The following ZNF160 variants were observed in gnomAD, a reference collection of about 807,000 sequenced individuals.
The protein encoded by ZNF160 is KRAB zinc finger protein KR18.
ZNF160 carries 9 observed loss-of-function variants against 13.1 expected under a neutral mutation model. The observed-to-expected ratio is 0.69, with a 90% CI of 0.41 to 1.20. The LOEUF (loss-of-function observed/expected upper bound fraction) is 1.20, where lower values mean the gene tolerates loss of function less well. Among genes scored for constraint, ZNF160 ranks in the 50% most tolerant of loss-of-function variants. The pLI is 0.01. For missense variants in ZNF160, 838 were observed against 988.0 expected (o/e 0.85, Z 2.04); for synonymous variants, 293 against 333.2 (o/e 0.88, Z 1.31).
Position 53,069,935 on chromosome 19 carries a change from T to A in ZNF160, c.599A>T (p.Lys200Ile). 1 of 1,614,174 alleles carries A rather than the reference T, an allele frequency of 6.2e-7. No homozygotes were observed. Among genetic ancestry groups the A allele is most frequent in the Non-Finnish European group, 8.5e-7 (1 of 1,180,026 alleles). Residue 200 changes from lysine to isoleucine, a missense_variant, in exon 6 of 6, where the codon AAA becomes ATA. Transcript: ENST00000683776. This position sits in a 1 kb window ranked among gnomAD's most constrained non-coding sequence, Gnocchi z 4.4. ...PELQLFQGEG[K>I]MYECNQVEKS... Reference sequence around the variant, plus strand: ...CTCAACTTGATTACATTCATACATTTTCCCCTCACCTTGAAATAGCTGCAG... The same window carrying A: ...CTCAACTTGATTACATTCATACATTATCCCCTCACCTTGAAATAGCTGCAG...
intron 1 of ZNF160, among the ~76,000 whole-genome samples, chr19:53,095,139 C>T (rs1378135638): frequency 7.3e-6 from 1 of 137,614 alleles, no homozygotes; most frequent in African/African-American, 2.8e-5. Context: ...GACCGCACCC[C>T]AGGGCGACTT....
intron 3 of ZNF160, among the ~76,000 whole-genome samples, chr19:53,079,961 A>C (rs2084562668): frequency 6.6e-6 from 1 of 152,096 alleles, no homozygotes; most frequent in African/African-American, 2.4e-5. Flanking sequence ...ACGAAAAGGA[A>C]AAGGAGGAAG....
At chr19:53,099,233 G>A (rs1361599657) in intron 1 of ZNF160, among the ~76,000 whole-genome samples, 2 of 152,240 alleles carry the variant, frequency 1.3e-5, no homozygotes, top group African/African-American at 4.8e-5. Context: ...GAGGGTGGAA[G>A]ACAGCTCTGA....
intron 1 of ZNF160, chr19:53,095,254 A>AC (rs2085187068): frequency 5.0e-5 from 1 of 19,948 alleles, no homozygotes; most frequent in Admixed American, 7.5e-4. Context: ...CCCAGACCCC[A>AC]CCTCACGGTG....
chr19:53,068,660 T>G lies in ZNF160; in HGVS notation c.1874A>C (p.Glu625Ala), dbSNP rs773748401. The G allele has an allele frequency of 3.7e-6, 6 of 1,614,070 alleles. No individual in the cohort carries two copies. Among genetic ancestry groups the G allele is most frequent in the South Asian group, 3.3e-5 (3 of 91,082 alleles). ...ATTGTGCCTAAAAACCTTGCCGCAT[T>G]CATGACATTTGTAAGGTTTCTCTCC... The part of the protein sequence containing the change: ...HTGEKPYKCH[E>A]CGKVFRHNSY... Residue 625 changes from glutamate (E) to alanine (A), a missense_variant, in exon 6 of 6, where the codon GAA (glutamate) becomes GCA (alanine). Physicochemically the swap from Glu to Ala is moderately radical, Grantham distance 107. Transcript: ENST00000683776.
chr19:53,085,985 A>G (rs779541943), intron 3 of ZNF160: 2 of 1,310,264 alleles, frequency 1.5e-6, no homozygotes, highest in Non-Finnish European at 2.1e-6. Flanking sequence ...CCTGCTGCCC[A>G]ACAGCACTGA....
chr19:53,067,985 T>C lies in ZNF160; in HGVS notation c.*92A>G, dbSNP rs1478527408. 6.0e-6 allele frequency: 9 copies of C among 1,493,676 alleles called. No homozygotes were observed. The highest frequency in any genetic ancestry group is 8.1e-6 in the Non-Finnish European group (9 of 1,112,672). 92.5% of individuals were successfully genotyped at this position (1,493,676 alleles called of 1,614,324 possible). A position where few individuals can be genotyped will look rare whatever the true frequency, so the allele number is the denominator to read the frequency against. On this transcript the variant is annotated 3_prime_UTR_variant, in exon 6 of 6. Coordinates refer to ENST00000683776, the MANE Select transcript of ZNF160 (RefSeq NM_001322131.2). Reference sequence around the variant, plus strand: ...TATTAATGCTTCAACTCATGAGGGATTGGCCACTGTCACTACATTTGTAAG... The same window carrying C: ...TATTAATGCTTCAACTCATGAGGGACTGGCCACTGTCACTACATTTGTAAG...
chr19:53,073,936 C>T lies in ZNF160; in HGVS notation c.271+204G>A, dbSNP rs2084280285. Among the ~76,000 whole-genome samples, 5 of 152,110 alleles carry T rather than the reference C, an allele frequency of 3.3e-5. No individual in the cohort carries two copies. The South Asian group carries it at 1.0e-3, about 32-fold the overall frequency. On this transcript the variant is annotated intron_variant, in intron 5 of 5. Coordinates refer to ENST00000683776, the MANE Select transcript of ZNF160 (RefSeq NM_001322131.2). ...GAGTAGCTGGGACTACAGGCACACG[C>T]CACCATGCCCGGCTAATTTTTTTTT...
chr19:53,089,505 G>A (rs1020347221), intron 2 of ZNF160, among the ~76,000 whole-genome samples: 6 of 152,150 alleles, frequency 3.9e-5, no homozygotes, highest in African/African-American at 1.4e-4. Flanking sequence ...GAGGAAGAGC[G>A]TGGCCCACAA....
intron 3 of ZNF160, among the ~76,000 whole-genome samples, chr19:53,084,299 C>T (rs556028326): frequency 6.6e-6 from 1 of 152,332 alleles, no homozygotes; most frequent in African/African-American, 2.4e-5. Flanking sequence ...CATGCCAAGC[C>T]CGCCTTTTAA....
At position 53,084,670 on chromosome 19, in the gene ZNF160, CA is replaced by C. The variant is rs552535274; in HGVS notation, c.15+1591del. 3.9e-5 allele frequency among the ~76,000 whole-genome samples: 6 copies of C among 152,302 alleles called. No individual in the cohort carries two copies. The East Asian group carries it at 1.2e-3, about 29-fold the overall frequency. Reference sequence around the variant, plus strand: ...CAAAGTAATGCAACCCACTCAGACTCACAAGGAATAAGAAAATGAAAATAAA... The same window carrying C: ...CAAAGTAATGCAACCCACTCAGACTCCAAGGAATAAGAAAATGAAAATAAA... On this transcript the variant is annotated intron_variant, in intron 3 of 5. Coordinates refer to ENST00000683776, the MANE Select transcript of ZNF160 (RefSeq NM_001322131.2).
intron 3 of ZNF160, among the ~76,000 whole-genome samples, chr19:53,084,394 A>G (rs1251601483): frequency 6.6e-6 from 1 of 152,190 alleles, no homozygotes; most frequent in East Asian, 1.9e-4. Flanking sequence ...CTTTGGAATA[A>G]AAAGTCACTG....
At chr19:53,081,042 C>G (rs1478936392) in intron 3 of ZNF160, among the ~76,000 whole-genome samples, 3 of 152,142 alleles carry the variant, frequency 2.0e-5, no homozygotes, top group Non-Finnish European at 4.4e-5. Context: ...AACTGGATCC[C>G]TATCTCTCAC....
In ZNF160 at chr19:53,067,676, AC is replaced by A; in HGVS notation, c.*400del. 6.2e-6 allele frequency: 1 copy of A among 160,470 alleles called. No homozygotes were observed. Among genetic ancestry groups the A allele is most frequent in the East Asian group, 1.9e-4 (1 of 5,386 alleles). The allele number at this position is 160,470 out of a possible 1,614,324, so 9.9% of individuals were successfully genotyped here. A position where few individuals can be genotyped will look rare whatever the true frequency, so the allele number is the denominator to read the frequency against. On this transcript the variant is annotated 3_prime_UTR_variant, in exon 6 of 6. Coordinates refer to ENST00000683776, the MANE Select transcript of ZNF160 (RefSeq NM_001322131.2). ...ACTGACTGCCTACAAATATCCTGCA[AC>A]CTTTTCGTATGTGAGTTAAAAATAT...
In ZNF160 at chr19:53,094,016, T is replaced by G. The variant is rs185989552; in HGVS notation, c.-353-2296A>C. ...AACAAGGCATTAGTGATGCACATGC[T>G]CCAATGAGACCCCGATATCATACAA... On this transcript the variant is annotated intron_variant, in intron 1 of 5. Coordinates refer to ENST00000683776, the MANE Select transcript of ZNF160 (RefSeq NM_001322131.2). 2.4e-3 allele frequency among the ~76,000 whole-genome samples: 359 copies of G among 152,230 alleles called. 4 individuals are homozygous for G. Among genetic ancestry groups the G allele is most frequent in the Middle Eastern group, 6.8e-3 (2 of 294 alleles).
At chr19:53,081,119 A>T (rs760998364) in intron 3 of ZNF160, among the ~76,000 whole-genome samples, 6 of 152,222 alleles carry the variant, frequency 3.9e-5, no homozygotes, top group Non-Finnish European at 8.8e-5. Flanking sequence ...TAAAAATCTT[A>T]AAAGCAAACC....
chr19:53,078,960 T>C (rs1444561276), intron 3 of ZNF160, among the ~76,000 whole-genome samples: 2 of 152,172 alleles, frequency 1.3e-5, no homozygotes. Context: ...GATACCACCC[T>C]TAGTCTGACA....
chr19:53,091,815 A>G (rs2085047345), intron 1 of ZNF160, 95 bp from the exon 2 acceptor site: 1 of 152,274 alleles, frequency 6.6e-6, no homozygotes, highest in South Asian at 2.1e-4. Flanking sequence ...CAGGGAGTGT[A>G]CAATTTCATG....
chr19:53,080,297 C>T (rs2084579721), intron 3 of ZNF160, among the ~76,000 whole-genome samples: 1 of 152,066 alleles, frequency 6.6e-6, no homozygotes, highest in South Asian at 2.1e-4. Flanking sequence ...CTGGGTTTCT[C>T]CATGTTGGTC....
Sources: allele counts gnomAD v4.1 joint callset (sites outside exome capture counted in the v4.1 genomes callset), GRCh38; gene constraint gnomAD v4.1.1; non-coding constraint Gnocchi (gnomAD v3.1); transcripts MANE v1.5; gene names NCBI Gene and HGNC (gene_info 2026-07-23, HGNC 2026-07-21).